The following DGKI variants were observed in gnomAD, a reference collection of about 807,000 sequenced individuals.
The protein encoded by DGKI is DAG kinase iota.
Under a neutral mutation model 147.5 loss-of-function variants are expected in DGKI, and 55 were observed. The observed-to-expected ratio is 0.37, with a 90% CI of 0.30 to 0.47. The LOEUF (loss-of-function observed/expected upper bound fraction) is 0.47. Ranked by LOEUF, DGKI falls within the 20% of genes least tolerant of loss-of-function variation. DGKI has a pLI of 1.00. For missense variants in DGKI, 1,007 were observed against 1,323.8 expected, an observed-to-expected ratio of 0.76 and a Z score of 3.71; for synonymous variants, 469 against 477.1, an observed-to-expected ratio of 0.98 and a Z score of 0.22.
chr7:137,439,709 C>T (rs576578234), intron 28 of DGKI, among the ~76,000 whole-genome samples: 2 of 152,318 alleles, frequency 1.3e-5, no homozygotes, highest in African/African-American at 4.8e-5. Context: ...GAACACTTTA[C>T]ACTAGTGATT....
chr7:137,517,763 C>T (rs932960140), intron 21 of DGKI, among the ~76,000 whole-genome samples: 6 of 151,974 alleles, frequency 3.9e-5, no homozygotes, highest in African/African-American at 1.4e-4. Flanking sequence ...TGTATTAGGA[C>T]TTAAGGAAGG....
intron 24 of DGKI, among the ~76,000 whole-genome samples, chr7:137,467,166 T>C (rs879434977): frequency 1.2e-4 from 19 of 152,212 alleles, no homozygotes; most frequent in Non-Finnish European, 2.4e-4. Context: ...ATCTAAATCA[T>C]ACTTGTCTTT....
chr7:137,597,941 G>T, intron 11 of DGKI, 34 bp from the exon 12 acceptor site: 6 of 1,595,922 alleles, frequency 3.8e-6, no homozygotes, highest in South Asian at 2.2e-5. Context: ...GTAAACAAAA[G>T]AACATTTCAC....
At chr7:137,552,926 A>G (rs1818100494) in intron 19 of DGKI, among the ~76,000 whole-genome samples, 1 of 152,158 alleles carries the variant, frequency 6.6e-6, no homozygotes, top group South Asian at 2.1e-4. Flanking sequence ...AAGAAAAAAA[A>G]GGAAAAGAAA....
Position 137,581,760 on chromosome 7 carries a change from C to T in DGKI, c.1642+90G>A, listed in dbSNP as rs113609216. On this transcript the variant is annotated intron_variant, in intron 15 of 32. Coordinates refer to ENST00000614521, the MANE Select transcript of DGKI (RefSeq NM_001321708.2). ...AAACAACACTGAAGCACACTGTAAA[C>T]GCGTAAGTGATATACAAACAAAAGG... is the stretch of plus-strand genomic sequence containing the variant. 1.4e-3 allele frequency: 1,512 copies of T among 1,092,926 alleles called. 17 individuals carry two copies. The African/African-American group carries it at 0.02, about 15-fold the overall frequency. The allele number at this position is 1,092,926 out of a possible 1,614,324, so 67.7% of individuals were successfully genotyped here.
At chr7:137,661,735 C>A (rs1057024510) in intron 3 of DGKI, among the ~76,000 whole-genome samples, 7 of 152,190 alleles carry the variant, frequency 4.6e-5, no homozygotes, top group African/African-American at 1.7e-4. Context: ...GACCACAAAG[C>A]CCGGTCCACA....
intron 19 of DGKI, among the ~76,000 whole-genome samples, chr7:137,570,255 C>T (rs190196047): frequency 4.5e-4 from 69 of 152,138 alleles, no homozygotes; most frequent in African/African-American, 1.5e-3. Flanking sequence ...TTAACTGGTC[C>T]GCACATCATT....
intron 21 of DGKI, among the ~76,000 whole-genome samples, chr7:137,520,239 C>A (rs1008466863): frequency 6.6e-6 from 1 of 152,000 alleles, no homozygotes; most frequent in Non-Finnish European, 1.5e-5. Context: ...CAGAGTTGAT[C>A]GTAAGCTGCA....
intron 10 of DGKI, among the ~76,000 whole-genome samples, chr7:137,600,279 GAATA>G (rs1297172665): frequency 6.6e-6 from 1 of 152,064 alleles, no homozygotes; most frequent in Non-Finnish European, 1.5e-5. Flanking sequence ...AATGAATGAT[GAATA>G]AATAAATAAA....
intron 12 of DGKI, among the ~76,000 whole-genome samples, chr7:137,590,559 A>G (rs920377559): frequency 1.3e-5 from 2 of 152,248 alleles, no homozygotes; most frequent in African/African-American, 4.8e-5. Flanking sequence ...ACAATTCCAC[A>G]GTGCAGGAGG....
intron 1 of DGKI, among the ~76,000 whole-genome samples, chr7:137,733,644 C>A (rs1794945468): frequency 6.6e-6 from 1 of 152,042 alleles, no homozygotes; most frequent in African/African-American, 2.4e-5. Context: ...AAGAACTCTG[C>A]TTTAATCGAG....
At chr7:137,681,884 G>T (rs1823249133) in intron 2 of DGKI, among the ~76,000 whole-genome samples, 1 of 152,248 alleles carries the variant, frequency 6.6e-6, no homozygotes, top group Non-Finnish European at 1.5e-5. Context: ...CCCCAGAGGG[G>T]CTAGAGGCTA....
At chr7:137,638,417 GGCAAGAACAACTATA>G (rs1471558995) in intron 6 of DGKI, among the ~76,000 whole-genome samples, 1 of 122,934 alleles carries the variant, frequency 8.1e-6, no homozygotes, top group Admixed American at 8.6e-5. Context: ...TCTCTTATCT[GGCAAGAACAACTATA>G]TATATATATA....
intron 1 of DGKI, among the ~76,000 whole-genome samples, chr7:137,791,648 A>G (rs1796857844): frequency 6.6e-6 from 1 of 152,224 alleles, no homozygotes; most frequent in Non-Finnish European, 1.5e-5. Context: ...ATGCTCTGGT[A>G]ATGAACAAAA....
intron 25 of DGKI, among the ~76,000 whole-genome samples, chr7:137,466,552 C>A (rs1433800447): frequency 6.6e-6 from 1 of 152,036 alleles, no homozygotes; most frequent in Non-Finnish European, 1.5e-5. Context: ...TAGTTATACA[C>A]CTGGGGCCTC....
At chr7:137,761,562 C>T (rs1449376395) in intron 1 of DGKI, among the ~76,000 whole-genome samples, 1 of 152,208 alleles carries the variant, frequency 6.6e-6, no homozygotes, top group African/African-American at 2.4e-5. Context: ...ATCTCTTCCT[C>T]TTGATACTCT....
chr7:137,843,361 G>A (rs763792614), intron 1 of DGKI: 3 of 957,060 alleles, frequency 3.1e-6, no homozygotes, highest in Non-Finnish European at 3.7e-6. Context: ...AAAGAAAAAC[G>A]AAGTAGTAAT....
rs138563101 is a variant in DGKI at position 137,609,056 on chromosome 7, G to A, written c.1077C>T (p.Asn359=). The part of the protein sequence containing the change: ...KASKRGMEQE[N]KGRPFVIKPI... The stretch of plus-strand genomic sequence containing the variant: ...GTTTTATCACAAAAGGACGACCTTT[G>A]TTTTCCTGCTGAAAGAAGCAATCAG... The change falls in exon 10 of 33, where the codon AAC becomes AAT. Residue 359 remains asparagine, a synonymous_variant. Coordinates refer to ENST00000614521, the MANE Select transcript of DGKI (RefSeq NM_001321708.2). 2.2e-5 allele frequency: 36 copies of A among 1,613,170 alleles called. No individual in the cohort carries two copies. Among genetic ancestry groups the A allele is most frequent in the Middle Eastern group, 3.3e-4 (2 of 6,058 alleles).
At chr7:137,737,855 G>A (rs1242707891) in intron 1 of DGKI, among the ~76,000 whole-genome samples, 1 of 152,074 alleles carries the variant, frequency 6.6e-6, no homozygotes, top group Non-Finnish European at 1.5e-5. Context: ...ACATCCTTGG[G>A]AATCTGAGAC....
Sources: gnomAD v4.1 joint callset for allele counts (sites outside exome capture counted in the v4.1 genomes callset) on GRCh38, gnomAD v4.1.1 for gene constraint, MANE v1.5 for transcripts, NCBI Gene and HGNC (gene_info 2026-07-23, HGNC 2026-07-21) for gene names.